ROCK2: variants seen among roughly 807,000 people sequenced by gnomAD.
ROCK2 encodes the protein Rho associated coiled-coil containing protein kinase 2.
In ROCK2, 61 loss-of-function variants were observed where a neutral mutation model predicts 195.1. The observed-to-expected ratio is 0.31, with a 90% CI of 0.25 to 0.39. The LOEUF (loss-of-function observed/expected upper bound fraction) is 0.39, where lower values mean the gene tolerates loss of function less well. Among genes scored for constraint, ROCK2 ranks in the 10% least tolerant of loss-of-function variants. ROCK2 has a pLI of 1.00. For synonymous variants in ROCK2, 504 were observed against 545.5 expected (o/e 0.92, Z 1.06); for missense variants, 1,109 against 1,637.4 (o/e 0.68, Z 5.57).
At chr2:11,252,022 G>C (rs937805356) in intron 3 of ROCK2, among the ~76,000 whole-genome samples, 7 of 152,184 alleles carry the variant, frequency 4.6e-5, no homozygotes, top group African/African-American at 1.7e-4. Flanking sequence ...ATAGATGCTG[G>C]AGAGGATGTG....
chr2:11,219,550 C>G (rs1458817244), intron 9 of ROCK2, among the ~76,000 whole-genome samples: 1 of 152,028 alleles, frequency 6.6e-6, no homozygotes, highest in Non-Finnish European at 1.5e-5. Context: ...CTAAACTTTT[C>G]TTGCCTTTCC....
chr2:11,244,346 T>G (rs1337621097), intron 4 of ROCK2, among the ~76,000 whole-genome samples: 1 of 152,110 alleles, frequency 6.6e-6, no homozygotes, highest in Non-Finnish European at 1.5e-5. Flanking sequence ...ATAAATGAAA[T>G]GAGATTGGCC....
At chr2:11,335,638 C>T (rs541974249) in intron 1 of ROCK2, among the ~76,000 whole-genome samples, 1 of 152,026 alleles carries the variant, frequency 6.6e-6, no homozygotes, top group African/African-American at 2.4e-5. Flanking sequence ...TTTTCTCACC[C>T]CAATCACCAC....
At chr2:11,280,045 A>G (rs1432970483) in intron 3 of ROCK2, among the ~76,000 whole-genome samples, 1 of 152,338 alleles carries the variant, frequency 6.6e-6, no homozygotes, top group Non-Finnish European at 1.5e-5. Context: ...CTTAATGCAC[A>G]TATCTAAAAT....
In ROCK2 at chr2:11,344,311, GGGCCCGCCCGGCCCAGCCCGGCCCAGCCC is replaced by G; in HGVS notation, c.-204_-176del. On this transcript the variant is annotated 5_prime_UTR_variant, in exon 1 of 33. Coordinates refer to ENST00000315872, the MANE Select transcript of ROCK2 (RefSeq NM_004850.5). The surrounding 1 kb of genome is among the most constrained non-coding windows in gnomAD (Gnocchi z 5.4). ...TCCCCCGCCTGGGGGCTGCTCCCAG[GGGCCCGCCCGGCCCAGCCCGGCCCAGCCC>G]GGCCCGGCCCTGCCGGGAGCGGCGG... 2 of 1,220,080 alleles carry G rather than the reference GGGCCCGCCCGGCCCAGCCCGGCCCAGCCC, an allele frequency of 1.6e-6. No homozygotes were observed. Among genetic ancestry groups the G allele is most frequent in the Middle Eastern group, 3.2e-4 (1 of 3,142 alleles). 75.6% of individuals were successfully genotyped at this position (1,220,080 alleles called of 1,614,324 possible).
chr2:11,200,647 AT>A (rs1327418335), intron 23 of ROCK2, among the ~76,000 whole-genome samples: 1 of 152,028 alleles, frequency 6.6e-6, no homozygotes, highest in Non-Finnish European at 1.5e-5. Flanking sequence ...TTTTATTGCA[AT>A]TTTTTCAACC....
At chr2:11,228,232 AAG>A (rs1664880707) in intron 5 of ROCK2, among the ~76,000 whole-genome samples, 1 of 152,156 alleles carries the variant, frequency 6.6e-6, no homozygotes, top group African/African-American at 2.4e-5. Flanking sequence ...CTGCCCAGTA[AAG>A]AGTGTGTTGC....
chr2:11,198,485 A>G lies in ROCK2; in HGVS notation c.3099+6T>C. On this transcript the variant is annotated splice_donor_region_variant and intron_variant, in intron 25 of 32. Transcript: ENST00000315872. ...CAAAATCATATTTAGATTCTATTAT[A>G]CATACTTGAGTTTTGAGTGTTCTTT... The G allele has an allele frequency of 6.4e-7, 1 of 1,562,880 alleles. No individual in the cohort carries two copies. The highest frequency in any genetic ancestry group is 8.8e-7 in the Non-Finnish European group (1 of 1,135,206).
At chr2:11,214,770 CCAT>C in intron 16 of ROCK2, 67 bp downstream of exon 16, 8 of 1,368,542 alleles carry the variant, frequency 5.8e-6, no homozygotes, top group Non-Finnish European at 7.0e-6. Context: ...AGCACACTAT[CCAT>C]CATCTAAAGT....
chr2:11,228,568 G>T (rs1461854391), intron 5 of ROCK2, among the ~76,000 whole-genome samples: 1 of 152,162 alleles, frequency 6.6e-6, no homozygotes, highest in Non-Finnish European at 1.5e-5. Flanking sequence ...GAACAAGACA[G>T]TGCCTGACTT....
At chr2:11,326,253 T>G (rs1189357139) in intron 1 of ROCK2, among the ~76,000 whole-genome samples, 4 of 152,138 alleles carry the variant, frequency 2.6e-5, no homozygotes, top group African/African-American at 9.6e-5. Flanking sequence ...TAAGGAACAT[T>G]TCCATTTGGC....
chr2:11,277,529 G>A (rs987085513), intron 3 of ROCK2, among the ~76,000 whole-genome samples: 1 of 152,104 alleles, frequency 6.6e-6, no homozygotes, highest in African/African-American at 2.4e-5. Flanking sequence ...TCATTCTTAT[G>A]CCTTTGCGTA....
chr2:11,206,765 A>G (rs1664065558), intron 20 of ROCK2, among the ~76,000 whole-genome samples: 1 of 152,258 alleles, frequency 6.6e-6, no homozygotes, highest in Non-Finnish European at 1.5e-5. Flanking sequence ...AACACTTATC[A>G]TATGATGGAT....
intron 1 of ROCK2, among the ~76,000 whole-genome samples, chr2:11,343,624 C>T (rs1426183691): frequency 5.9e-5 from 9 of 152,156 alleles, no homozygotes; most frequent in Admixed American, 5.9e-4. Flanking sequence ...TCGCTCGCAC[C>T]AAGTCCCCAC....
chr2:11,244,116 G>A (rs1665528609), intron 4 of ROCK2, among the ~76,000 whole-genome samples: 1 of 152,146 alleles, frequency 6.6e-6, no homozygotes, highest in Admixed American at 6.6e-5. Flanking sequence ...GACCCCAGTT[G>A]AGCAAACATT....
At chr2:11,267,334 C>G (rs1666452952) in intron 3 of ROCK2, among the ~76,000 whole-genome samples, 1 of 152,124 alleles carries the variant, frequency 6.6e-6, no homozygotes, top group Non-Finnish European at 1.5e-5. Flanking sequence ...AAGACTCACG[C>G]CTGTGGTCAC....
intron 19 of ROCK2, 32 bp from the exon 20 acceptor site, chr2:11,207,942 G>A (rs1664112174): frequency 7.2e-7 from 1 of 1,383,604 alleles, no homozygotes; most frequent in South Asian, 1.8e-5. Context: ...TGGTATATAA[G>A]TAAATTATTT....
At chr2:11,300,323 C>T (rs759048727) in intron 1 of ROCK2, among the ~76,000 whole-genome samples, 15 of 152,114 alleles carry the variant, frequency 9.9e-5, no homozygotes, top group Admixed American at 7.9e-4. Flanking sequence ...AGTGCAATGA[C>T]GTGATCTCAG....
intron 3 of ROCK2, among the ~76,000 whole-genome samples, chr2:11,258,262 G>A (rs773314531): frequency 4.0e-5 from 6 of 151,216 alleles, no homozygotes; most frequent in South Asian, 2.1e-4. Context: ...GAATAAATTC[G>A]AATTCCAAAT....
Sources: gnomAD v4.1 joint callset for allele counts (sites outside exome capture counted in the v4.1 genomes callset) on GRCh38, gnomAD v4.1.1 for gene constraint, Gnocchi (gnomAD v3.1) non-coding constraint, MANE v1.5 for transcripts, NCBI Gene and HGNC (gene_info 2026-07-23, HGNC 2026-07-21) for gene names.